LYL1: variants seen among roughly 807,000 people sequenced by gnomAD.
LYL1 encodes the protein LYL1 basic helix-loop-helix family member, also known as protein lyl-1.
Under a neutral mutation model 11.1 loss-of-function variants are expected in LYL1, and 4 were observed. That is an observed-to-expected ratio of 0.36 (90% CI 0.18 to 0.82). The LOEUF (loss-of-function observed/expected upper bound fraction) is 0.82. LYL1 is among the 40% of genes least tolerant of loss of function. The probability of loss-of-function intolerance (pLI) is 0.49; values close to 1 mark genes in which losing one functional copy is unlikely to be tolerated. For missense variants in LYL1, 356 were observed against 397.6 expected, an observed-to-expected ratio of 0.90 and a Z score of 0.89; for synonymous variants, 179 against 174.8, an observed-to-expected ratio of 1.02 and a Z score of -0.19.
Position 13,102,333 on chromosome 19 carries a change from G to C in LYL1, c.-25+198C>G, listed in dbSNP as rs2018697385. 1 of 199,930 alleles carries C rather than the reference G, an allele frequency of 5.0e-6. No individual in the cohort carries two copies. Among genetic ancestry groups the C allele is most frequent in the African/African-American group, 2.3e-5 (1 of 43,448 alleles). 12.4% of individuals were successfully genotyped at this position (199,930 alleles called of 1,614,324 possible). A position where few individuals can be genotyped will look rare whatever the true frequency, so the allele number is the denominator to read the frequency against. ...ACATCCCTGTTTGCTCTTGGTTCCA[G>C]AGTCCAGGATGTCCCAGCAAGGTGT... On this transcript the variant is annotated intron_variant, in intron 1 of 3. Coordinates refer to ENST00000264824, the MANE Select transcript of LYL1 (RefSeq NM_005583.5). The surrounding 1 kb of genome is among the most constrained non-coding windows in gnomAD (Gnocchi z 4.9).
In LYL1 at chr19:13,102,811, C is replaced by T. The variant is rs968680504; in HGVS notation, c.-305G>A. On this transcript the variant is annotated 5_prime_UTR_variant, in exon 1 of 4. The change creates a new upstream start codon in the 5' untranslated region. Transcript: ENST00000264824. The surrounding 1 kb of genome is among the most constrained non-coding windows in gnomAD (Gnocchi z 4.9). ...CGGCGGCCCGGTTTCCTCCCTCTCA[C>T]CCCTGGCGGCGCAGCGGCCGGAGGA... 2.6e-5 allele frequency: 4 copies of T among 152,422 alleles called. No individual in the cohort carries two copies. Among genetic ancestry groups the T allele is most frequent in the African/African-American group, 9.6e-5 (4 of 41,468 alleles). 9.4% of individuals were successfully genotyped at this position (152,422 alleles called of 1,614,324 possible).
chr19:13,101,371 G>C lies in LYL1; in HGVS notation c.-24-176C>G. On this transcript the variant is annotated intron_variant, in intron 1 of 3. Coordinates refer to ENST00000264824, the MANE Select transcript of LYL1 (RefSeq NM_005583.5). This position sits in a 1 kb window ranked among gnomAD's most constrained non-coding sequence, Gnocchi z 5.1. ...CAGGCCCAGAAACTTCCAGGACACGGGAGGGGGGTCCTACGTTAGAGTAGG... is the reference window on the plus strand; with the variant it reads ...CAGGCCCAGAAACTTCCAGGACACGCGAGGGGGGTCCTACGTTAGAGTAGG... The C allele has an allele frequency of 4.8e-6, 2 of 413,680 alleles. No individual in the cohort carries two copies. The highest frequency in any genetic ancestry group is 8.5e-6 in the Non-Finnish European group (2 of 234,096). 25.6% of individuals were successfully genotyped at this position (413,680 alleles called of 1,614,324 possible).
Position 13,101,242 on chromosome 19 carries a change from C to G in LYL1, c.-24-47G>C. 1 of 757,558 alleles carries G rather than the reference C, an allele frequency of 1.3e-6. No individual in the cohort carries two copies. Among genetic ancestry groups the G allele is most frequent in the Non-Finnish European group, 1.9e-6 (1 of 514,444 alleles). The allele number at this position is 757,558 out of a possible 1,614,324, so 46.9% of individuals were successfully genotyped here. On this transcript the variant is annotated intron_variant, in intron 1 of 3. Transcript: ENST00000264824. The surrounding 1 kb of genome is among the most constrained non-coding windows in gnomAD (Gnocchi z 5.1). ...GTGGGGAGGAGGACTAGGTGCCCCGCTCCCACCTGCTTAGCTCAAGAAACC... is the reference window on the plus strand; with the variant it reads ...GTGGGGAGGAGGACTAGGTGCCCCGGTCCCACCTGCTTAGCTCAAGAAACC...
chr19:13,100,931 C>T lies in LYL1; in HGVS notation c.241G>A (p.Gly81Ser). The change falls in exon 2 of 4, where the codon GGC becomes AGC. Residue 81 changes from glycine (G) to serine (S), a missense_variant. Physicochemically the swap from Gly to Ser is moderately conservative, Grantham distance 56. Coordinates refer to ENST00000264824, the MANE Select transcript of LYL1 (RefSeq NM_005583.5). The stretch of plus-strand genomic sequence containing the variant: ...TGCAGCAGCGGGGGCCGCAGAGTGC[C>T]CAGCTCTGTGGTGGGCATGGCTACC... ...PGVAMPTTEL[G>S]TLRPPLLQLS... The T allele has an allele frequency of 6.5e-7, 1 of 1,540,852 alleles. No individual in the cohort carries two copies. Among genetic ancestry groups the T allele is most frequent in the South Asian group, 1.2e-5 (1 of 82,492 alleles).
Position 13,099,803 on chromosome 19 carries a change from A to C in LYL1, c.428-69T>G. Reference sequence around the variant, plus strand: ...GGCCCCTCCTGCCCTCCCGCTAGACACGCAGCACCCTCGTGGGAACTTAAA... The same window carrying C: ...GGCCCCTCCTGCCCTCCCGCTAGACCCGCAGCACCCTCGTGGGAACTTAAA... On this transcript the variant is annotated intron_variant, in intron 3 of 3. Coordinates refer to ENST00000264824, the MANE Select transcript of LYL1 (RefSeq NM_005583.5). This position sits in a 1 kb window ranked among gnomAD's most constrained non-coding sequence, Gnocchi z 5.3. 1.5e-6 allele frequency: 2 copies of C among 1,308,116 alleles called. No individual in the cohort carries two copies. Among genetic ancestry groups the C allele is most frequent in the South Asian group, 3.3e-5 (2 of 60,648 alleles). 81.0% of individuals were successfully genotyped at this position (1,308,116 alleles called of 1,614,324 possible).
Position 13,099,388 on chromosome 19 carries a change from G to C in LYL1, c.774C>G (p.Asp258Glu). ...RSQPAPPADP[D>E]GSPGGAARPI... is the part of the protein sequence containing the mutation. ...GCCGGGCCGCTCCACCGGGGCTGCC[G>C]TCGGGGTCGGCCGGGGGCGCGGGCT... The change falls in exon 4 of 4, where the codon GAC (aspartate) becomes GAG (glutamate). Residue 258 changes from aspartate (D) to glutamate (E), a missense_variant. Transcript: ENST00000264824. The surrounding 1 kb of genome is among the most constrained non-coding windows in gnomAD (Gnocchi z 5.3). 38 of 1,255,640 alleles carry C rather than the reference G, an allele frequency of 3.0e-5. No individual in the cohort carries two copies. The highest frequency in any genetic ancestry group is 3.8e-5 in the Non-Finnish European group (38 of 997,074). 77.8% of individuals were successfully genotyped at this position (1,255,640 alleles called of 1,614,324 possible).
Position 13,099,686 on chromosome 19 carries a change from TC to T in LYL1, c.475del (p.Glu159SerfsTer15). 6.5e-7 allele frequency: 1 copy of T among 1,546,876 alleles called. No individual in the cohort carries two copies. Among genetic ancestry groups the T allele is most frequent in the Admixed American group, 2.0e-5 (1 of 50,448 alleles). ...GTTAACGTTCTGCTGCCGCCAGCGCTCCCGGCTGTTGGTGAACACGCGCCGG... is the reference window on the plus strand; with the variant it reads ...GTTAACGTTCTGCTGCCGCCAGCGCTCCGGCTGTTGGTGAACACGCGCCGG... ...VARRVFTNSR[E>X]RWRQQNVNGA... On this transcript the variant is annotated frameshift_variant, in exon 4 of 4. Transcript: ENST00000264824. LOFTEE classifies it low-confidence loss of function (END_TRUNC). This position sits in a 1 kb window ranked among gnomAD's most constrained non-coding sequence, Gnocchi z 5.3.
chr19:13,102,328 T>C lies in LYL1; in HGVS notation c.-25+203A>G. On this transcript the variant is annotated intron_variant, in intron 1 of 3. Transcript: ENST00000264824. This position sits in a 1 kb window ranked among gnomAD's most constrained non-coding sequence, Gnocchi z 4.9. The stretch of plus-strand genomic sequence containing the variant: ...TTTTGACATCCCTGTTTGCTCTTGG[T>C]TCCAGAGTCCAGGATGTCCCAGCAA... 5.0e-6 allele frequency: 1 copy of C among 199,534 alleles called. No homozygotes were observed. The highest frequency in any genetic ancestry group is 1.0e-5 in the Non-Finnish European group (1 of 96,368). The allele number at this position is 199,534 out of a possible 1,614,324, so 12.4% of individuals were successfully genotyped here.
intron 3 of LYL1, among the ~76,000 whole-genome samples, chr19:13,100,003 A>C (rs1370514586): frequency 1.3e-5 from 2 of 151,932 alleles, no homozygotes; most frequent in East Asian, 3.9e-4. Context: ...CTAAAGAAAG[A>C]TTTCCTTGTG....
rs1029992244 is a variant in LYL1, at chr19:13,101,740, C to A, written c.-24-545G>T. On this transcript the variant is annotated intron_variant, in intron 1 of 3. Transcript: ENST00000264824. The surrounding 1 kb of genome is among the most constrained non-coding windows in gnomAD (Gnocchi z 5.1). ...CCTCTGCACCTCAAGAATGACCCTG[C>A]GGTTCTTCCCATTGCTGTCCCTGAA... 2.2e-5 allele frequency: 5 copies of A among 227,658 alleles called. No individual in the cohort carries two copies. Among genetic ancestry groups the A allele is most frequent in the African/African-American group, 8.9e-5 (4 of 44,976 alleles). 14.1% of individuals were successfully genotyped at this position (227,658 alleles called of 1,614,324 possible).
At position 13,100,881 on chromosome 19, in the gene LYL1, C is replaced by A. The variant is rs1161245012; in HGVS notation, c.291G>T (p.Pro97=). ...LLQLSTLGTA[P]PTLALHYHPH... The stretch of plus-strand genomic sequence containing the variant: ...GGTGGTAGTGCAGGGCCAAAGTGGG[C>A]GGGGCAGTTCCCAGGGTGGAGAGTT... Residue 97 remains proline (P), a synonymous_variant, in exon 2 of 4, where the codon CCG becomes CCT. Transcript: ENST00000264824. 1.3e-6 allele frequency: 2 copies of A among 1,565,904 alleles called. No individual in the cohort carries two copies. Among genetic ancestry groups the A allele is most frequent in the South Asian group, 1.2e-5 (1 of 86,284 alleles).
rs778555083 is a variant in LYL1 at position 13,099,634 on chromosome 19, C to G, written c.528G>C (p.Leu176=). Residue 176 remains leucine (L), a synonymous_variant, in exon 4 of 4, where the codon CTG becomes CTC. Coordinates refer to ENST00000264824, the MANE Select transcript of LYL1 (RefSeq NM_005583.5). The surrounding 1 kb of genome is among the most constrained non-coding windows in gnomAD (Gnocchi z 5.3). ...TCCGGTCGGGCGGGTGCGTCGGCAG[C>G]AGCTTCCTCAGCTCGGCGAAGGCGC... ...VNGAFAELRK[L]LPTHPPDRKL... is the part of the protein sequence containing the mutation. 97 of 1,554,318 alleles carry G rather than the reference C, an allele frequency of 6.2e-5. No homozygotes were observed. The South Asian group carries it at 1.1e-3, about 17-fold the overall frequency.
Position 13,099,274 on chromosome 19 carries a change from C to A in LYL1, c.*45G>T. On this transcript the variant is annotated 3_prime_UTR_variant, in exon 4 of 4. Transcript: ENST00000264824. The surrounding 1 kb of genome is among the most constrained non-coding windows in gnomAD (Gnocchi z 5.3). Reference sequence around the variant, plus strand: ...CTGCCCTTTCCTTGACGGCCCTGGGCCGAGTCCCTGGTGCCCTCCGGCTCA... The same window carrying A: ...CTGCCCTTTCCTTGACGGCCCTGGGACGAGTCCCTGGTGCCCTCCGGCTCA... 1 of 1,240,202 alleles carries A rather than the reference C, an allele frequency of 8.1e-7. No individual in the cohort carries two copies. The highest frequency in any genetic ancestry group is 4.0e-5 in the Admixed American group (1 of 25,194). 76.8% of individuals were successfully genotyped at this position (1,240,202 alleles called of 1,614,324 possible).
intron 3 of LYL1, 54 bp downstream of exon 3, chr19:13,100,603 C>T (rs2018672257): frequency 6.6e-7 from 1 of 1,508,058 alleles, no homozygotes; most frequent in Non-Finnish European, 9.2e-7. Context: ...TCTGTGCACC[C>T]ACAAGTGCAC....
rs2018684722 is a variant in LYL1, at chr19:13,101,335, G to A, written c.-24-140C>T. 1.5e-5 allele frequency: 6 copies of A among 413,108 alleles called. No individual in the cohort carries two copies. The East Asian group carries it at 2.2e-4, about 15-fold the overall frequency. The allele number at this position is 413,108 out of a possible 1,614,324, so 25.6% of individuals were successfully genotyped here. ...AGAGAAGTTTCAGTAGGCAAAGGCAGATGGCGGGGGCAGGCCCAGAAACTT... is the reference window on the plus strand; with the variant it reads ...AGAGAAGTTTCAGTAGGCAAAGGCAAATGGCGGGGGCAGGCCCAGAAACTT... On this transcript the variant is annotated intron_variant, in intron 1 of 3. Coordinates refer to ENST00000264824, the MANE Select transcript of LYL1 (RefSeq NM_005583.5). The surrounding 1 kb of genome is among the most constrained non-coding windows in gnomAD (Gnocchi z 5.1).
chr19:13,101,451 G>C lies in LYL1; in HGVS notation c.-24-256C>G. ...TGTCCCTGAGCTCTTTGTGACCCAG[G>C]AGGGGCGCTGTTGCCCAGCCTCTGA... On this transcript the variant is annotated intron_variant, in intron 1 of 3. Transcript: ENST00000264824. The surrounding 1 kb of genome is among the most constrained non-coding windows in gnomAD (Gnocchi z 5.1). 1 of 381,454 alleles carries C rather than the reference G, an allele frequency of 2.6e-6. No homozygotes were observed. Among genetic ancestry groups the C allele is most frequent in the East Asian group, 3.8e-5 (1 of 26,424 alleles). The allele number at this position is 381,454 out of a possible 1,614,324, so 23.6% of individuals were successfully genotyped here.
Position 13,101,149 on chromosome 19 carries a change from G to T in LYL1, c.23C>A (p.Ala8Glu). Residue 8 changes from alanine (A) to glutamate (E), a missense_variant, in exon 2 of 4, where the codon GCA becomes GAA. Transcript: ENST00000264824. The surrounding 1 kb of genome is among the most constrained non-coding windows in gnomAD (Gnocchi z 5.1). ...CTCAGTCATGGTGGGGCCCACCTCTGCCTGTGCCTGAGGCGGGCACATGGA... is the reference window on the plus strand; with the variant it reads ...CTCAGTCATGGTGGGGCCCACCTCTTCCTGTGCCTGAGGCGGGCACATGGA... MCPPQAQAEVGPTMTEKA... is the reference protein window; with the variant it reads MCPPQAQEEVGPTMTEKA... 6.8e-7 allele frequency: 1 copy of T among 1,462,194 alleles called. No individual in the cohort carries two copies. The highest frequency in any genetic ancestry group is 1.5e-5 in the South Asian group (1 of 65,380). The allele number at this position is 1,462,194 out of a possible 1,614,324, so 90.6% of individuals were successfully genotyped here.
rs2018640491 is a variant in LYL1 at position 13,099,370 on chromosome 19, C to T, written c.792G>A (p.Ala264=). 2 of 1,275,842 alleles carry T rather than the reference C, an allele frequency of 1.6e-6. No individual in the cohort carries two copies. Among genetic ancestry groups the T allele is most frequent in the Non-Finnish European group, 2.0e-6 (2 of 1,009,138 alleles). 79.0% of individuals were successfully genotyped at this position (1,275,842 alleles called of 1,614,324 possible). A position where few individuals can be genotyped will look rare whatever the true frequency, so the allele number is the denominator to read the frequency against. Residue 264 remains alanine, a synonymous_variant, in exon 4 of 4, where the codon GCG becomes GCA. Coordinates refer to ENST00000264824, the MANE Select transcript of LYL1 (RefSeq NM_005583.5). This position sits in a 1 kb window ranked among gnomAD's most constrained non-coding sequence, Gnocchi z 5.3. The part of the protein sequence containing the change: ...PADPDGSPGG[A]ARPIKMEQTA... ...TTTGCTCCATCTTGATGGGCCGGGC[C>T]GCTCCACCGGGGCTGCCGTCGGGGT...
chr19:13,101,416 G>C lies in LYL1; in HGVS notation c.-24-221C>G, dbSNP rs1477919357. ...AGTAGGAGGCGCCCCCCAGGTGCTA[G>C]GCAGCGCACTGTCCCTGAGCTCTTT... On this transcript the variant is annotated intron_variant, in intron 1 of 3. Coordinates refer to ENST00000264824, the MANE Select transcript of LYL1 (RefSeq NM_005583.5). The surrounding 1 kb of genome is among the most constrained non-coding windows in gnomAD (Gnocchi z 5.1). 2 of 421,356 alleles carry C rather than the reference G, an allele frequency of 4.7e-6. No individual in the cohort carries two copies. Among genetic ancestry groups the C allele is most frequent in the African/African-American group, 2.1e-5 (1 of 48,610 alleles). 26.1% of individuals were successfully genotyped at this position (421,356 alleles called of 1,614,324 possible).
Sources: gnomAD v4.1 joint callset for allele counts (sites outside exome capture counted in the v4.1 genomes callset) on GRCh38, gnomAD v4.1.1 for gene constraint, Gnocchi (gnomAD v3.1) non-coding constraint, MANE v1.5 for transcripts, NCBI Gene and HGNC (gene_info 2026-07-23, HGNC 2026-07-21) for gene names.